DCC: variants seen among roughly 807,000 people sequenced by gnomAD.
The protein encoded by DCC is DCC netrin 1 receptor, also known as netrin receptor DCC.
A neutral mutation model predicts 172.5 loss-of-function variants in DCC; 58 were observed. The ratio of observed to expected loss-of-function variants is 0.34; its 90% CI spans 0.27 to 0.42. DCC has a LOEUF of 0.42. Among genes scored for constraint, DCC ranks in the 10% least tolerant of loss-of-function variants. The pLI is 1.00. For synonymous variants in DCC, 709 were observed against 644.5 expected (o/e 1.10, Z -1.52); for missense variants, 1,740 against 1,791.0 (o/e 0.97, Z 0.51).
chr18:53,218,849 T>C (rs187176616), intron 12 of DCC, among the ~76,000 whole-genome samples: 1 of 152,160 alleles, frequency 6.6e-6, no homozygotes, highest in Non-Finnish European at 1.5e-5. Flanking sequence ...ATTATATATT[T>C]CAAATACATA....
chr18:52,513,343 T>C (rs1489199479), intron 1 of DCC, among the ~76,000 whole-genome samples: 1 of 152,214 alleles, frequency 6.6e-6, no homozygotes, highest in Non-Finnish European at 1.5e-5. Context: ...AGCAGTGTGA[T>C]CTTAGATCTA....
Position 52,405,597 on chromosome 18 carries a change from AG to A in DCC, c.91+64721del, listed in dbSNP as rs1213739552. On this transcript the variant is annotated intron_variant, in intron 1 of 28. Coordinates refer to ENST00000442544, the MANE Select transcript of DCC (RefSeq NM_005215.4). ...TTGCTTCAAAGAGAATAAAATACCT[AG>A]GAATCCAACTTACAAGGGATGTGAA... Among the ~76,000 whole-genome samples, 9 of 151,382 alleles carry A rather than the reference AG, an allele frequency of 5.9e-5. No individual in the cohort carries two copies. In the East Asian group the frequency reaches 1.6e-3, roughly 26 times the overall value.
intron 5 of DCC, among the ~76,000 whole-genome samples, chr18:53,053,990 C>T (rs1261650557): frequency 6.6e-6 from 1 of 152,006 alleles, no homozygotes; most frequent in African/African-American, 2.4e-5. Context: ...AGAGTGGTCC[C>T]TCAGTATTTG....
intron 7 of DCC, among the ~76,000 whole-genome samples, chr18:53,113,777 G>T (rs2043370976): frequency 6.6e-6 from 1 of 151,146 alleles, no homozygotes; most frequent in South Asian, 2.1e-4. Flanking sequence ...AATCCCAGGT[G>T]TTAAACGGAC....
intron 5 of DCC, among the ~76,000 whole-genome samples, chr18:53,018,700 G>T (rs1330789554): frequency 6.6e-6 from 1 of 152,056 alleles, no homozygotes; most frequent in Non-Finnish European, 1.5e-5. Context: ...ATGTACAAAT[G>T]AATAGATGAA....
chr18:52,491,137 A>T (rs553027986), intron 1 of DCC, among the ~76,000 whole-genome samples: 1 of 152,098 alleles, frequency 6.6e-6, no homozygotes, highest in African/African-American at 2.4e-5. Flanking sequence ...TATTTTACTA[A>T]GTTTTTTCCT....
chr18:52,434,544 C>A (rs1403555165), intron 1 of DCC, among the ~76,000 whole-genome samples: 1 of 152,082 alleles, frequency 6.6e-6, no homozygotes, highest in Non-Finnish European at 1.5e-5. Flanking sequence ...TGGTGATATG[C>A]TGCATAAACT....
chr18:53,287,671 GTTA>G (rs2056952030), intron 12 of DCC, among the ~76,000 whole-genome samples: 2 of 152,006 alleles, frequency 1.3e-5, no homozygotes, highest in South Asian at 4.1e-4. Context: ...TGCCAATATT[GTTA>G]TTATGTGTTT....
At chr18:52,990,214 T>G (rs2041362598) in intron 5 of DCC, among the ~76,000 whole-genome samples, 2 of 152,126 alleles carry the variant, frequency 1.3e-5, no homozygotes, top group Admixed American at 6.5e-5. Context: ...GATTATTCTC[T>G]TGTATCCTAG....
At chr18:52,780,335 G>T (rs1446217634) in intron 2 of DCC, among the ~76,000 whole-genome samples, 2 of 152,042 alleles carry the variant, frequency 1.3e-5, no homozygotes, top group Non-Finnish European at 2.9e-5. Context: ...TAAAATTTAT[G>T]ATTGTCTTGT....
chr18:53,373,347 A>G (rs1438430654), intron 15 of DCC, among the ~76,000 whole-genome samples: 2 of 151,950 alleles, frequency 1.3e-5, no homozygotes, highest in Non-Finnish European at 2.9e-5. Flanking sequence ...CATTTATGTT[A>G]AGTCCATTTA....
At chr18:53,254,894 A>G (rs948216444) in intron 12 of DCC, among the ~76,000 whole-genome samples, 1 of 152,082 alleles carries the variant, frequency 6.6e-6, no homozygotes, top group Non-Finnish European at 1.5e-5. Context: ...AAAGCATATA[A>G]CATATCCTAA....
chr18:53,486,679 GT>G, intron 25 of DCC, 117 bp from the exon 26 acceptor site: 1 of 1,374,778 alleles, frequency 7.3e-7, no homozygotes, highest in Non-Finnish European at 1.0e-6. Flanking sequence ...AGGGAACCTA[GT>G]TGATACTATG....
At chr18:53,500,793 A>C (rs987642035) in intron 27 of DCC, among the ~76,000 whole-genome samples, 6 of 151,928 alleles carry the variant, frequency 3.9e-5, no homozygotes, top group Admixed American at 3.9e-4. Flanking sequence ...AGCACAGGTC[A>C]TGATTTCATT....
At chr18:52,777,760 G>C (rs540261010) in intron 2 of DCC, among the ~76,000 whole-genome samples, 1 of 151,676 alleles carries the variant, frequency 6.6e-6, no homozygotes, top group South Asian at 2.1e-4. Flanking sequence ...CTAGGAGGCA[G>C]ATCTCCAGGG....
Position 52,392,017 on chromosome 18 carries a change from T to C in DCC, c.91+51139T>C, listed in dbSNP as rs560532037. 3.3e-5 allele frequency among the ~76,000 whole-genome samples: 5 copies of C among 152,320 alleles called. 1 individual carries two copies. In the South Asian group the frequency reaches 1.0e-3, roughly 32 times the overall value. On this transcript the variant is annotated intron_variant, in intron 1 of 28. Coordinates refer to ENST00000442544, the MANE Select transcript of DCC (RefSeq NM_005215.4). ...TATTCGAGTCCACAAATTCTTGGCATAAATGCCAATAAGTCAAAATCAAAT... is the reference window on the plus strand; with the variant it reads ...TATTCGAGTCCACAAATTCTTGGCACAAATGCCAATAAGTCAAAATCAAAT...
intron 1 of DCC, among the ~76,000 whole-genome samples, chr18:52,355,477 T>C (rs1568129688): frequency 1.3e-5 from 2 of 152,182 alleles, no homozygotes; most frequent in Admixed American, 6.5e-5. Context: ...TTTGTAAAAT[T>C]TGGAAAGCCA....
intron 1 of DCC, chr18:52,419,630 C>G (rs1265700475): frequency 6.6e-6 from 1 of 151,836 alleles, no homozygotes; most frequent in Non-Finnish European, 1.5e-5. Context: ...TTCCTTTTGC[C>G]AAATACCCCA....
chr18:52,655,889 T>C (rs1390081583), intron 1 of DCC, among the ~76,000 whole-genome samples: 1 of 151,614 alleles, frequency 6.6e-6, no homozygotes, highest in East Asian at 1.9e-4. Flanking sequence ...CTGAGATCCC[T>C]TGGATAGCTA....
Sources: allele counts gnomAD v4.1 joint callset (sites outside exome capture counted in the v4.1 genomes callset), GRCh38; gene constraint gnomAD v4.1.1; transcripts MANE v1.5; gene names NCBI Gene and HGNC (gene_info 2026-07-23, HGNC 2026-07-21).